Variants in PRKACB observed in about 807,000 individuals in gnomAD.
PRKACB encodes the protein cAMP-dependent protein kinase catalytic subunit beta.
PRKACB carries 16 observed loss-of-function variants against 51.4 expected under a neutral mutation model. That is an observed-to-expected ratio of 0.31 (90% CI 0.21 to 0.47). The LOEUF (loss-of-function observed/expected upper bound fraction) is 0.47. Among genes scored for constraint, PRKACB ranks in the 20% least tolerant of loss-of-function variants. The probability of loss-of-function intolerance (pLI) is 1.00; values close to 1 mark genes in which losing one functional copy is unlikely to be tolerated. For missense variants in PRKACB, 309 were observed against 464.5 expected (o/e 0.67, Z 3.08); for synonymous variants, 147 against 154.4 (o/e 0.95, Z 0.35).
chr1:84,215,691 G>T (rs1052118856), intron 9 of PRKACB, among the ~76,000 whole-genome samples: 2 of 152,120 alleles, frequency 1.3e-5, no homozygotes, highest in Non-Finnish European at 2.9e-5. Flanking sequence ...TTGCCAGTAT[G>T]ACAGTTGTGG....
chr1:84,197,852 A>C, intron 7 of PRKACB, 28 bp downstream of exon 7: 2 of 1,500,348 alleles, frequency 1.3e-6, no homozygotes, highest in Non-Finnish European at 1.8e-6. Flanking sequence ...ACACATAAGA[A>C]GTAGAAATAT....
intron 1 of PRKACB, among the ~76,000 whole-genome samples, chr1:84,108,303 A>G (rs1289780741): frequency 6.9e-6 from 1 of 144,674 alleles, no homozygotes; most frequent in Admixed American, 6.9e-5. Context: ...GATGGGAACA[A>G]TAGACACTAG....
intron 8 of PRKACB, among the ~76,000 whole-genome samples, chr1:84,207,836 CTTTAT>C (rs994914712): frequency 2.0e-5 from 3 of 150,952 alleles, no homozygotes; most frequent in Non-Finnish European, 4.4e-5. Context: ...TTTGATTTGG[CTTTAT>C]TTTATTTCAT....
At chr1:84,147,715 A>G (rs567877406) in intron 1 of PRKACB, among the ~76,000 whole-genome samples, 1 of 152,210 alleles carries the variant, frequency 6.6e-6, no homozygotes, top group East Asian at 1.9e-4. Context: ...CAAAAATATT[A>G]AAGAATGAAT....
intron 1 of PRKACB, among the ~76,000 whole-genome samples, chr1:84,116,600 C>T (rs1322732867): frequency 6.6e-6 from 1 of 151,956 alleles, no homozygotes; most frequent in Non-Finnish European, 1.5e-5. Context: ...ATATGATTGG[C>T]TTTATTTCTT....
intron 1 of PRKACB, among the ~76,000 whole-genome samples, chr1:84,108,935 C>A (rs746065269): frequency 3.3e-5 from 5 of 151,930 alleles, no homozygotes; most frequent in African/African-American, 1.2e-4. Context: ...GGTAACCATT[C>A]TCTCTACTTT....
intron 9 of PRKACB, among the ~76,000 whole-genome samples, chr1:84,230,743 T>A (rs1675496557): frequency 6.7e-6 from 1 of 149,356 alleles, no homozygotes; most frequent in Non-Finnish European, 1.5e-5. Flanking sequence ...TGTCTGTTGT[T>A]GGTGTATAAG....
chr1:84,218,495 C>CT (rs1312916328), intron 9 of PRKACB, among the ~76,000 whole-genome samples: 3 of 151,984 alleles, frequency 2.0e-5, no homozygotes, highest in Non-Finnish European at 2.9e-5. Flanking sequence ...AGATTTCATT[C>CT]TTTTTTTTAC....
At chr1:84,142,729 A>T (rs1008768415), upstream of PRKACB, among the ~76,000 whole-genome samples, 2 of 152,210 alleles carry the variant, frequency 1.3e-5, no homozygotes, top group African/African-American at 4.8e-5. Context: ...TATCTTATAG[A>T]TACTGTTACA....
chr1:84,078,243 G>A, exon 1 of PRKACB: 2 of 1,485,296 alleles, frequency 1.3e-6, no homozygotes, highest in Non-Finnish European at 1.8e-6. Flanking sequence ...TGCAGACGCG[G>A]GAGTTGTCCC....
Position 84,144,496 on chromosome 1 carries a change from G to T in PRKACB, c.135G>T (p.Leu45=), listed in dbSNP as rs1399021681. 4.3e-6 allele frequency: 7 copies of T among 1,610,520 alleles called. No individual in the cohort carries two copies. Among genetic ancestry groups the T allele is most frequent in the Middle Eastern group, 1.7e-4 (1 of 6,054 alleles). ...KGTAHDQKTA[L]ENDSLHFSEH... ...CTGCACATGATCAGAAAACAGCTCT[G>T]GAAAATGACAGCCTTCATTTCTCTG... Residue 45 remains leucine (L), a synonymous_variant, in exon 1 of 10, where the codon CTG becomes CTT. Transcript: ENST00000370685.
At position 84,079,956 on chromosome 1, in the gene PRKACB, G is replaced by A. The variant is rs538748453; in HGVS notation, c.46+1585G>A. ...GCTGGGATTACAGGCGTGAGCTACC[G>A]TGCGTGACCTATGTTGTCTTTTTAA... On this transcript the variant is annotated intron_variant, in intron 1 of 8. Transcript: ENST00000370688. Among the ~76,000 whole-genome samples the A allele has an allele frequency of 9.9e-5, 15 of 152,090 alleles. No homozygotes were observed. In the East Asian group the frequency reaches 2.1e-3, roughly 22 times the overall value.
chr1:84,211,585 G>A (rs7532830), intron 8 of PRKACB, among the ~76,000 whole-genome samples: 1 of 152,048 alleles, frequency 6.6e-6, no homozygotes, highest in Non-Finnish European at 1.5e-5. Flanking sequence ...CTTTTAGAAG[G>A]TTCCTGATAA....
chr1:84,173,583 CT>C (rs1660253995), intron 1 of PRKACB, among the ~76,000 whole-genome samples: 1 of 151,526 alleles, frequency 6.6e-6, no homozygotes, highest in Non-Finnish European at 1.5e-5. Context: ...AGAAGATGGA[CT>C]AATGCATTCC....
intron 1 of PRKACB, among the ~76,000 whole-genome samples, chr1:84,084,242 G>T (rs1357600122): frequency 6.6e-6 from 1 of 152,272 alleles, no homozygotes; most frequent in Admixed American, 6.5e-5. Flanking sequence ...AGATGCAGAG[G>T]AGTGAAACCA....
At chr1:84,214,098 C>G in intron 8 of PRKACB, 55 bp from the exon 9 acceptor site, 4 of 1,431,512 alleles carry the variant, frequency 2.8e-6, no homozygotes, top group Non-Finnish European at 2.8e-6. Flanking sequence ...GAAATCAAAA[C>G]AGAAATATCA....
intron 7 of PRKACB, among the ~76,000 whole-genome samples, chr1:84,198,859 A>G (rs971839430): frequency 4.7e-5 from 7 of 149,282 alleles, no homozygotes; most frequent in South Asian, 2.1e-4. Context: ...GTATATGTGT[A>G]TATATATACA....
intron 1 of PRKACB, among the ~76,000 whole-genome samples, chr1:84,107,980 A>G (rs1219609190): frequency 2.0e-5 from 3 of 152,126 alleles, no homozygotes; most frequent in Non-Finnish European, 2.9e-5. Flanking sequence ...CACCAGGTAT[A>G]TATCCTGAGG....
At chr1:84,173,487 A>T (rs1223988343) in intron 1 of PRKACB, 3 of 775,456 alleles carry the variant, frequency 3.9e-6, no homozygotes, top group Non-Finnish European at 6.2e-6. Flanking sequence ...AAATATTTTT[A>T]GTGTGTGTGT....
Sources: gnomAD v4.1 joint callset for allele counts (sites outside exome capture counted in the v4.1 genomes callset) on GRCh38, gnomAD v4.1.1 for gene constraint, MANE v1.5 for transcripts, NCBI Gene and HGNC (gene_info 2026-07-23, HGNC 2026-07-21) for gene names.